The following FAAH2 variants were observed in gnomAD, a reference collection of about 807,000 sequenced individuals.
FAAH2 encodes the protein fatty-acid amide hydrolase 2.
A neutral mutation model predicts 36.9 loss-of-function variants in FAAH2; 60 were observed. The ratio of observed to expected loss-of-function variants is 1.63; its 90% CI spans 1.32 to 2.02. The LOEUF (loss-of-function observed/expected upper bound fraction) is 2.02. FAAH2 is among the 30% of genes most tolerant of loss of function. The pLI, the probability that FAAH2 is intolerant of heterozygous loss-of-function variation, is 0.00. For synonymous variants in FAAH2, 214 were observed against 143.8 expected (o/e 1.49, Z -3.49); for missense variants, 689 against 397.5 (o/e 1.73, Z -6.23).
chrX:57,178,666 G>A, the FAAH2 span, among the ~76,000 whole-genome samples: 1 of 111,774 alleles, frequency 8.9e-6, no homozygotes, highest in Non-Finnish European at 1.9e-5. Context: ...TAGTTGCTGG[G>A]GTAATATTTC....
chrX:57,264,747 G>T, the FAAH2 span, among the ~76,000 whole-genome samples: 1 of 112,129 alleles, frequency 8.9e-6, no homozygotes, highest in Non-Finnish European at 1.9e-5. Context: ...GTTCATTGCA[G>T]GACTATTCAC....
chrX:57,374,717 T>C (rs757898641), intron 5 of FAAH2, among the ~76,000 whole-genome samples: 1 of 111,691 alleles, frequency 9.0e-6, no homozygotes, highest in African/African-American at 3.2e-5. Flanking sequence ...TTTTGTCTGA[T>C]TGCCGTTGCT....
At chrX:57,411,688 C>T (rs890522733) in intron 7 of FAAH2, among the ~76,000 whole-genome samples, 8 of 111,443 alleles carry the variant, frequency 7.2e-5, no homozygotes, top group South Asian at 7.6e-4. Context: ...TCTGCATGGC[C>T]GGGGAAGCTG....
At chrX:57,459,695 C>A (rs1183360480) in intron 10 of FAAH2, among the ~76,000 whole-genome samples, 1 of 112,161 alleles carries the variant, frequency 8.9e-6, no homozygotes, top group Non-Finnish European at 1.9e-5. Context: ...TGGTGATACC[C>A]AGACAAATAG....
the FAAH2 span, among the ~76,000 whole-genome samples, chrX:57,160,718 G>C: frequency 9.0e-6 from 1 of 111,689 alleles, no homozygotes; most frequent in African/African-American, 3.3e-5. Context: ...GCATCTATTT[G>C]ATTCTTCTCT....
intron 3 of FAAH2, among the ~76,000 whole-genome samples, chrX:57,327,983 G>A (rs991561340): frequency 1.2e-4 from 13 of 111,121 alleles, no homozygotes; most frequent in African/African-American, 4.3e-4. Context: ...ATCTACCTTT[G>A]GTCTTTGATG....
chrX:57,488,919 C>T lies in FAAH2; in HGVS notation c.1586C>T (p.Pro529Leu). The part of the protein sequence containing the change: ...LEKTFGGWVC[P>L]GKF The stretch of plus-strand genomic sequence containing the variant: ...AAAACTTTTGGGGGCTGGGTCTGTC[C>T]AGGAAAGTTTTAGGAGGACCTTCTG... The change falls in exon 11 of 11, where the codon CCA (proline) becomes CTA (leucine). Residue 529 changes from proline to leucine, a missense_variant. Transcript: ENST00000374900. 8.3e-7 allele frequency: 1 copy of T among 1,208,845 alleles called. No homozygotes were observed. Among genetic ancestry groups the T allele is most frequent in the Non-Finnish European group, 1.1e-6 (1 of 894,591 alleles).
chrX:57,138,180 A>G, the FAAH2 span, among the ~76,000 whole-genome samples: 1 of 111,946 alleles, frequency 8.9e-6, no homozygotes. Context: ...TCTATTTCGC[A>G]TAAAGTGAAG....
At chrX:57,244,503 C>T in the FAAH2 span, among the ~76,000 whole-genome samples, 1 of 111,715 alleles carries the variant, frequency 9.0e-6, no homozygotes, top group Non-Finnish European at 1.9e-5. Context: ...AGAGAAAGGT[C>T]GGGTTACCCA....
intron 7 of FAAH2, among the ~76,000 whole-genome samples, chrX:57,399,186 G>T (rs896485317): frequency 6.3e-5 from 7 of 111,557 alleles, no homozygotes; most frequent in Non-Finnish European, 1.3e-4. Context: ...GGATTGAAAT[G>T]TGTGTCCTGG....
intron 8 of FAAH2, 104 bp downstream of exon 8, chrX:57,432,141 A>G (rs769456819): frequency 1.4e-6 from 1 of 692,844 alleles, no homozygotes; most frequent in African/African-American, 2.2e-5. Flanking sequence ...AAACTCATGA[A>G]AAAAATAAGT....
chrX:57,392,967 C>T, intron 7 of FAAH2: 1 of 922,630 alleles, frequency 1.1e-6, no homozygotes, highest in Non-Finnish European at 1.6e-6. Flanking sequence ...TGCAATGATC[C>T]TGATTTTATC....
At chrX:57,129,745 T>G in the FAAH2 span, among the ~76,000 whole-genome samples, 2 of 112,181 alleles carry the variant, frequency 1.8e-5, no homozygotes, top group African/African-American at 6.5e-5. Flanking sequence ...ATAACTTCTG[T>G]AAAGTTAAAT....
chrX:57,277,318 GA>G, the FAAH2 span, among the ~76,000 whole-genome samples: 1 of 111,604 alleles, frequency 9.0e-6, no homozygotes, highest in African/African-American at 3.3e-5. Context: ...CGACCAATGA[GA>G]AAAACCACAT....
intron 5 of FAAH2, among the ~76,000 whole-genome samples, chrX:57,353,877 G>T (rs1367669560): frequency 9.0e-6 from 1 of 111,089 alleles, no homozygotes; most frequent in Non-Finnish European, 1.9e-5. Flanking sequence ...TCAGAGAAAT[G>T]CAAGTCAAAA....
the FAAH2 span, among the ~76,000 whole-genome samples, chrX:57,203,700 T>A: frequency 1.8e-5 from 2 of 112,233 alleles, no homozygotes; most frequent in Non-Finnish European, 1.9e-5. Flanking sequence ...TCTATTTTAA[T>A]GGGTTACTAG....
chrX:57,141,162 A>G, the FAAH2 span, among the ~76,000 whole-genome samples: 5 of 111,295 alleles, frequency 4.5e-5, no homozygotes, highest in South Asian at 1.1e-3. Flanking sequence ...GTTAAATTTC[A>G]TTGAATTTTT....
intron 7 of FAAH2, among the ~76,000 whole-genome samples, chrX:57,412,309 G>T (rs747025553): frequency 9.0e-6 from 1 of 111,304 alleles, no homozygotes; most frequent in Non-Finnish European, 1.9e-5. Flanking sequence ...TGCCATGGTG[G>T]TTTGCTGCAC....
the FAAH2 span, among the ~76,000 whole-genome samples, chrX:57,146,089 C>T: frequency 9.4e-6 from 1 of 106,356 alleles, no homozygotes; most frequent in Non-Finnish European, 1.9e-5. Context: ...GTTGTTTTTT[C>T]TAGTTCTGTG....
Sources: allele counts gnomAD v4.1 joint callset (sites outside exome capture counted in the v4.1 genomes callset), GRCh38; gene constraint gnomAD v4.1.1; transcripts MANE v1.5; gene names NCBI Gene and HGNC (gene_info 2026-07-23, HGNC 2026-07-21).